MYH13: variants seen among roughly 807,000 people sequenced by gnomAD.
The protein encoded by MYH13 is myosin-13.
In MYH13, 177 loss-of-function variants were observed where a neutral mutation model predicts 232.1. The observed-to-expected ratio is 0.76, with a 90% CI of 0.67 to 0.86. The LOEUF (loss-of-function observed/expected upper bound fraction) is 0.86, where lower values mean the gene tolerates loss of function less well. Ranked by LOEUF, MYH13 falls within the 40% of genes least tolerant of loss-of-function variation. The pLI, the probability that MYH13 is intolerant of heterozygous loss-of-function variation, is 0.00. For synonymous variants in MYH13, 884 were observed against 923.5 expected (o/e 0.96, Z 0.78); for missense variants, 2,246 against 2,405.9 (o/e 0.93, Z 1.39).
rs762727877 is a variant in MYH13, at chr17:10,316,075, G to A, written c.3739-50C>T. The A allele has an allele frequency of 1.9e-6, 3 of 1,599,844 alleles. No homozygotes were observed. In the South Asian group the frequency reaches 3.3e-5, roughly 18 times the overall value. The stretch of plus-strand genomic sequence containing the variant: ...GAATGGGAAGAAATGGATTCCTAGT[G>A]CCCAGCATTGAACTGAACAGTGTAA... On this transcript the variant is annotated intron_variant, in intron 27 of 40. Transcript: ENST00000252172.
chr17:10,371,111 T>G lies in MYH13; in HGVS notation c.-13+98A>C, dbSNP rs555913947. The stretch of plus-strand genomic sequence containing the variant: ...AGTTATTGGTTTCAAACTCATCAAT[T>G]TCGTCTTCTTATGAGTGTGGCAAGA... On this transcript the variant is annotated intron_variant, in intron 2 of 40. Transcript: ENST00000252172. The G allele has an allele frequency of 8.5e-5, 13 of 152,348 alleles. 1 individual carries two copies. The South Asian group carries it at 2.3e-3, about 27-fold the overall frequency. 9.4% of individuals were successfully genotyped at this position (152,348 alleles called of 1,614,324 possible).
At chr17:10,312,905 A>C in intron 30 of MYH13, 148 bp from the exon 31 acceptor site, 2 of 1,128,096 alleles carry the variant, frequency 1.8e-6, no homozygotes, top group East Asian at 5.1e-5. Context: ...GGAGGATCCA[A>C]GTGTCACCGA....
In MYH13 at chr17:10,362,128, G is replaced by A. The variant is rs371002897; in HGVS notation, c.495C>T (p.Phe165=). 1.9e-6 allele frequency: 3 copies of A among 1,613,942 alleles called. No individual in the cohort carries two copies. Among genetic ancestry groups the A allele is most frequent in the Non-Finnish European group, 2.5e-6 (3 of 1,179,876 alleles). Residue 165 remains phenylalanine (F), a synonymous_variant, in exon 5 of 41, where the codon TTC becomes TTT. Transcript: ENST00000252172. ...AAAGAAATTACTCACCAGTCAGCAT[G>A]AACTGATAGGCATTGTCAGAGATGG... The part of the protein sequence containing the change: ...IFSISDNAYQ[F]MLTDRDNQSI...
Position 10,355,167 on chromosome 17 carries a change from C to A in MYH13, c.739-20G>T. ...CTTCCCCTGTCCAATAACAGGTGGA[C>A]AAATGTTACGGTTATTTGATTTATA... On this transcript the variant is annotated intron_variant, in intron 8 of 40. Transcript: ENST00000252172. The A allele has an allele frequency of 6.4e-7, 1 of 1,559,504 alleles. No individual in the cohort carries two copies. Among genetic ancestry groups the A allele is most frequent in the South Asian group, 1.2e-5 (1 of 84,898 alleles).
At chr17:10,316,620 T>C (rs188661630) in intron 27 of MYH13, among the ~76,000 whole-genome samples, 2 of 152,326 alleles carry the variant, frequency 1.3e-5, no homozygotes, top group East Asian at 3.9e-4. Flanking sequence ...TATAAGTGAT[T>C]CGTGAATAAT....
chr17:10,332,904 G>C (rs1907458311), intron 19 of MYH13, among the ~76,000 whole-genome samples, 170 bp downstream of exon 19: 1 of 152,202 alleles, frequency 6.6e-6, no homozygotes, highest in Admixed American at 6.5e-5. Context: ...AACCACTTGG[G>C]CTGGCCCACT....
chr17:10,323,626 G>C (rs759530935), intron 23 of MYH13, among the ~76,000 whole-genome samples: 8 of 151,918 alleles, frequency 5.3e-5, no homozygotes, highest in Non-Finnish European at 1.2e-4. Context: ...GGGCATGGTG[G>C]TGTGTGCCTG....
intron 22 of MYH13, among the ~76,000 whole-genome samples, chr17:10,327,152 C>A (rs1907241292): frequency 8.3e-6 from 1 of 119,796 alleles, no homozygotes; most frequent in Non-Finnish European, 1.8e-5. Flanking sequence ...CAGGCGCCCG[C>A]CACTACGCCC....
At chr17:10,353,104 A>T (rs2071722819) in intron 11 of MYH13, among the ~76,000 whole-genome samples, 1 of 152,154 alleles carries the variant, frequency 6.6e-6, no homozygotes, top group African/African-American at 2.4e-5. Context: ...ACCTGCAGAT[A>T]AGGCAAAGGC....
At chr17:10,351,479 C>T (rs1006639812) in intron 11 of MYH13, among the ~76,000 whole-genome samples, 8 of 152,130 alleles carry the variant, frequency 5.3e-5, no homozygotes, top group African/African-American at 1.9e-4. Flanking sequence ...AAGATGGCAT[C>T]ATCATTTCCC....
At chr17:10,339,106 G>A (rs2071601023) in intron 18 of MYH13, among the ~76,000 whole-genome samples, 2 of 150,076 alleles carry the variant, frequency 1.3e-5, no homozygotes, top group South Asian at 4.2e-4. Context: ...CCCCGACAAC[G>A]TATACCTCTG....
chr17:10,344,231 C>T (rs952999086), intron 15 of MYH13, 122 bp from the exon 16 acceptor site: 16 of 1,387,464 alleles, frequency 1.2e-5, no homozygotes, highest in East Asian at 4.8e-5. Flanking sequence ...CATGTACGCT[C>T]GGTGAGAGCA....
chr17:10,309,104 T>A, intron 35 of MYH13, 130 bp downstream of exon 35: 1 of 910,020 alleles, frequency 1.1e-6, no homozygotes, highest in Non-Finnish European at 1.6e-6. Flanking sequence ...ACCACTAGTC[T>A]GGGAGAAACC....
intron 22 of MYH13, 110 bp from the exon 23 acceptor site, chr17:10,324,374 T>C: frequency 7.4e-7 from 1 of 1,353,412 alleles, no homozygotes; most frequent in Non-Finnish European, 1.0e-6. Context: ...AAGAAATGGG[T>C]CATGCACACA....
chr17:10,312,542 C>G (rs775002240), intron 31 of MYH13, 32 bp downstream of exon 31: 1 of 1,591,854 alleles, frequency 6.3e-7, no homozygotes, highest in East Asian at 2.3e-5. Flanking sequence ...ATCCTCATGC[C>G]ATCTTCACAA....
chr17:10,350,947 C>T (rs1372325765), intron 11 of MYH13: 4 of 476,760 alleles, frequency 8.4e-6, no homozygotes, highest in East Asian at 5.3e-5. Context: ...TACAGTCGGG[C>T]GCGGTGGCTC....
At chr17:10,318,305 C>T (rs1169394053) in intron 27 of MYH13, among the ~76,000 whole-genome samples, 2 of 152,256 alleles carry the variant, frequency 1.3e-5, no homozygotes, top group Middle Eastern at 3.4e-3. Flanking sequence ...GTTTGTGTCC[C>T]CCCAAAATTC....
In MYH13 at chr17:10,324,224, C is replaced by A; in HGVS notation, c.2732G>T (p.Gly911Val). The A allele has an allele frequency of 1.2e-6, 2 of 1,613,918 alleles. No individual in the cohort carries two copies. Among genetic ancestry groups the A allele is most frequent in the East Asian group, 4.5e-5 (2 of 44,870 alleles). The part of the protein sequence containing the change: ...NLMDAEERCE[G>V]LIKSKILLEA... ...CAGTAGGATCTTGCTTTTGATGAGT[C>A]CTTCACACCGTTCCTCAGCGTCCAT... Residue 911 changes from glycine to valine, a missense_variant, in exon 23 of 41, where the codon GGA becomes GTA. Coordinates refer to ENST00000252172, the MANE Select transcript of MYH13 (RefSeq NM_003802.3).
At chr17:10,323,664 C>A (rs1031569583) in intron 23 of MYH13, among the ~76,000 whole-genome samples, 1 of 148,834 alleles carries the variant, frequency 6.7e-6, no homozygotes, top group African/African-American at 2.5e-5. Flanking sequence ...GAGGCTGAGG[C>A]AGGAGAATTG....
Sources: allele counts gnomAD v4.1 joint callset (sites outside exome capture counted in the v4.1 genomes callset), GRCh38; gene constraint gnomAD v4.1.1; transcripts MANE v1.5; gene names NCBI Gene and HGNC (gene_info 2026-07-23, HGNC 2026-07-21).